The following FAF1 variants were observed in gnomAD, a reference collection of about 807,000 sequenced individuals.
FAF1 encodes the protein Fas associated factor 1, also known as FAS-associated factor 1.
In FAF1, 25 loss-of-function variants were observed where a neutral mutation model predicts 92.5. The observed-to-expected ratio is 0.27, with a 90% CI of 0.20 to 0.38. The LOEUF is 0.38. Among genes scored for constraint, FAF1 ranks in the 10% least tolerant of loss-of-function variants. The pLI is 1.00. For missense variants in FAF1, 636 were observed against 793.3 expected, an observed-to-expected ratio of 0.80 and a Z score of 2.38; for synonymous variants, 234 against 273.2, an observed-to-expected ratio of 0.86 and a Z score of 1.42.
At chr1:50,843,580 T>C (rs1175538101) in intron 2 of FAF1, among the ~76,000 whole-genome samples, 1 of 152,148 alleles carries the variant, frequency 6.6e-6, no homozygotes, top group Non-Finnish European at 1.5e-5. Flanking sequence ...TTCTGTTCAC[T>C]ACCTCAATGA....
intron 12 of FAF1, among the ~76,000 whole-genome samples, chr1:50,580,308 A>G (rs1215225774): frequency 2.6e-5 from 4 of 151,894 alleles, no homozygotes; most frequent in Admixed American, 2.0e-4. Context: ...AAATTTATTC[A>G]TCAAAATCAC....
intron 1 of FAF1, among the ~76,000 whole-genome samples, chr1:50,897,429 T>A (rs1006599806): frequency 1.3e-5 from 2 of 152,218 alleles, no homozygotes; most frequent in African/African-American, 4.8e-5. Context: ...AACATGTAGA[T>A]GAAAAAATAA....
intron 8 of FAF1, among the ~76,000 whole-genome samples, chr1:50,607,391 T>G (rs1652476882): frequency 6.6e-6 from 1 of 152,202 alleles, no homozygotes; most frequent in African/African-American, 2.4e-5. Context: ...TTGGACTAGA[T>G]GATTCTCATG....
At chr1:50,730,363 CT>C (rs1163074621) in intron 6 of FAF1, among the ~76,000 whole-genome samples, 10 of 151,592 alleles carry the variant, frequency 6.6e-5, no homozygotes, top group Admixed American at 4.6e-4. Context: ...TTTTAAGTCC[CT>C]TTTTTTCATA....
At chr1:50,507,648 C>T (rs568380089) in intron 15 of FAF1, among the ~76,000 whole-genome samples, 7 of 152,202 alleles carry the variant, frequency 4.6e-5, no homozygotes, top group South Asian at 2.1e-4. Context: ...CCCAGGAGTT[C>T]GAGGTTACAG....
At chr1:50,929,669 C>A (rs1482174748) in intron 1 of FAF1, among the ~76,000 whole-genome samples, 1 of 152,150 alleles carries the variant, frequency 6.6e-6, no homozygotes, top group Non-Finnish European at 1.5e-5. Flanking sequence ...CAAAAATATT[C>A]ATTGAATGTC....
chr1:50,756,489 G>C (rs114191600), intron 4 of FAF1, among the ~76,000 whole-genome samples: 2 of 152,122 alleles, frequency 1.3e-5, no homozygotes, highest in Non-Finnish European at 2.9e-5. Flanking sequence ...GCATTTTTCT[G>C]TCTTCTTCAT....
chr1:50,678,312 G>A (rs1384128792), intron 7 of FAF1, among the ~76,000 whole-genome samples: 1 of 152,178 alleles, frequency 6.6e-6, no homozygotes, highest in Non-Finnish European at 1.5e-5. Context: ...TTAAAGCTGG[G>A]TGGAGCAGGT....
chr1:50,840,568 T>C (rs947022257), intron 2 of FAF1, among the ~76,000 whole-genome samples: 2 of 152,118 alleles, frequency 1.3e-5, no homozygotes, highest in South Asian at 4.1e-4. Flanking sequence ...CACAGACATA[T>C]AGAACTGTCA....
chr1:50,863,022 A>T (rs1644448696), intron 1 of FAF1, among the ~76,000 whole-genome samples: 1 of 151,984 alleles, frequency 6.6e-6, no homozygotes, highest in Admixed American at 6.6e-5. Context: ...GACTTAACAG[A>T]CATTTACAGA....
At chr1:50,488,482 C>T (rs1386353804) in intron 17 of FAF1, among the ~76,000 whole-genome samples, 1 of 152,194 alleles carries the variant, frequency 6.6e-6, no homozygotes, top group East Asian at 1.9e-4. Flanking sequence ...CACAAACACA[C>T]ACAGAGCTAG....
intron 5 of FAF1, among the ~76,000 whole-genome samples, chr1:50,744,125 A>G (rs1420218732): frequency 6.6e-6 from 1 of 152,186 alleles, no homozygotes; most frequent in East Asian, 1.9e-4. Flanking sequence ...GGTTCCTAAG[A>G]ATAGCAACTA....
chr1:50,788,795 T>C (rs1308656639), intron 3 of FAF1, among the ~76,000 whole-genome samples: 1 of 152,170 alleles, frequency 6.6e-6, no homozygotes, highest in Non-Finnish European at 1.5e-5. Flanking sequence ...ATAGAGGGGA[T>C]ATCATTTTTT....
chr1:50,906,019 AT>A (rs1644835051), intron 1 of FAF1, among the ~76,000 whole-genome samples: 1 of 152,220 alleles, frequency 6.6e-6, no homozygotes, highest in African/African-American at 2.4e-5. Flanking sequence ...TACGTCTAAC[AT>A]TTGAGTCTTT....
chr1:50,889,149 C>T (rs1435891708), intron 1 of FAF1, among the ~76,000 whole-genome samples: 17 of 152,182 alleles, frequency 1.1e-4, no homozygotes, highest in African/African-American at 3.9e-4. Context: ...AGTTTATTTG[C>T]GTAGAGGTGT....
intron 2 of FAF1, among the ~76,000 whole-genome samples, chr1:50,826,742 T>A (rs768404443): frequency 2.8e-4 from 43 of 151,932 alleles, no homozygotes; most frequent in Non-Finnish European, 5.1e-4. Flanking sequence ...AATATGAAAA[T>A]TTAGATAGAC....
chr1:50,926,253 A>C (rs1645005430), intron 1 of FAF1, among the ~76,000 whole-genome samples: 1 of 152,190 alleles, frequency 6.6e-6, no homozygotes, highest in African/African-American at 2.4e-5. Context: ...AACTACAAAG[A>C]AAAATAATGA....
At chr1:50,484,071 T>C (rs1242046198) in intron 17 of FAF1, among the ~76,000 whole-genome samples, 7 of 152,120 alleles carry the variant, frequency 4.6e-5, no homozygotes, top group Non-Finnish European at 7.4e-5. Flanking sequence ...GACAATATAA[T>C]ATAGCCATAT....
At chr1:50,610,903 C>T (rs1263810722) in intron 8 of FAF1, among the ~76,000 whole-genome samples, 1 of 152,110 alleles carries the variant, frequency 6.6e-6, no homozygotes, top group Non-Finnish European at 1.5e-5. Flanking sequence ...AACAGTGTCA[C>T]AAAATGTAAT....
Sources: gnomAD v4.1 joint callset for allele counts (sites outside exome capture counted in the v4.1 genomes callset) on GRCh38, gnomAD v4.1.1 for gene constraint, MANE v1.5 for transcripts, NCBI Gene and HGNC (gene_info 2026-07-23, HGNC 2026-07-21) for gene names.